The following CD226 variants were observed in gnomAD, a reference collection of about 807,000 sequenced individuals.
CD226 encodes CD226 molecule, also known as CD226 antigen.
A neutral mutation model predicts 34.9 loss-of-function variants in CD226; 24 were observed. The observed-to-expected ratio is 0.69, with a 90% CI of 0.50 to 0.97. The LOEUF (loss-of-function observed/expected upper bound fraction) is 0.97, where lower values mean the gene tolerates loss of function less well. Among genes scored for constraint, CD226 ranks in the 50% least tolerant of loss-of-function variants. CD226 has a pLI of 0.00. For synonymous variants in CD226, 148 were observed against 147.4 expected, an observed-to-expected ratio of 1.00 and a Z score of -0.03; for missense variants, 397 against 412.7, an observed-to-expected ratio of 0.96 and a Z score of 0.33.
chr18:69,868,460 C>G (rs1321956953), intron 4 of CD226, among the ~76,000 whole-genome samples: 2 of 152,124 alleles, frequency 1.3e-5, no homozygotes, highest in Non-Finnish European at 2.9e-5. Flanking sequence ...TGAAATCCTC[C>G]TATCATGTCA....
chr18:69,902,519 C>G (rs181141979), intron 2 of CD226, among the ~76,000 whole-genome samples: 1 of 151,472 alleles, frequency 6.6e-6, no homozygotes, highest in Admixed American at 6.6e-5. Context: ...CCTTTCTGAC[C>G]TCCCTCTGCT....
chr18:69,908,558 C>T (rs2055284270), intron 2 of CD226, among the ~76,000 whole-genome samples: 1 of 152,124 alleles, frequency 6.6e-6, no homozygotes, highest in Non-Finnish European at 1.5e-5. Context: ...TAGAGGCTTC[C>T]CTACATTTTT....
At chr18:69,951,435 T>C (rs1279047233), upstream of CD226, among the ~76,000 whole-genome samples, 1 of 152,140 alleles carries the variant, frequency 6.6e-6, no homozygotes, top group African/African-American at 2.4e-5. Flanking sequence ...TTATCTCCTC[T>C]CATTATGCAT....
intron 2 of CD226, among the ~76,000 whole-genome samples, chr18:69,909,718 G>A (rs1157316134): frequency 2.0e-5 from 3 of 152,174 alleles, no homozygotes. Flanking sequence ...TGAAATTTGG[G>A]AATTAAAGGA....
At chr18:69,949,619 ACACT>A (rs1176051199), upstream of CD226, among the ~76,000 whole-genome samples, 1 of 152,084 alleles carries the variant, frequency 6.6e-6, no homozygotes, top group Non-Finnish European at 1.5e-5. Context: ...ACACACTGAC[ACACT>A]CACGTGCTCA....
rs532501021 is a variant in CD226 at position 69,901,002 on chromosome 18, T to G, written c.383-4957A>C. 6.4e-3 allele frequency among the ~76,000 whole-genome samples: 982 copies of G among 152,294 alleles called. 9 individuals are homozygous for G. Among genetic ancestry groups the G allele is most frequent in the Non-Finnish European group, 0.011 (725 of 68,026 alleles). On this transcript the variant is annotated intron_variant, in intron 2 of 5. Transcript: ENST00000582621. ...CCATTTATGTTTCCACAGTACCACC[T>G]TGGAAGTCATAGCCTTGTCAAAATA...
At chr18:69,877,695 C>G (rs1983961324) in intron 3 of CD226, among the ~76,000 whole-genome samples, 2 of 152,126 alleles carry the variant, frequency 1.3e-5, no homozygotes, top group Non-Finnish European at 2.9e-5. Context: ...TAACAAGGAC[C>G]ATGTGAATTT....
intron 2 of CD226, among the ~76,000 whole-genome samples, chr18:69,942,958 C>T (rs907527424): frequency 2.0e-5 from 3 of 152,172 alleles, no homozygotes; most frequent in East Asian, 1.9e-4. Flanking sequence ...AGGTCCAGCA[C>T]GACTTTTCTC....
intron 3 of CD226, among the ~76,000 whole-genome samples, chr18:69,893,202 A>C (rs188842837): frequency 6.6e-6 from 1 of 152,324 alleles, no homozygotes; most frequent in East Asian, 1.9e-4. Flanking sequence ...ACATTCTTTC[A>C]ATCTGTCAAC....
At chr18:69,887,329 AC>A (rs1268313450) in intron 3 of CD226, among the ~76,000 whole-genome samples, 4 of 152,146 alleles carry the variant, frequency 2.6e-5, no homozygotes, top group Admixed American at 2.0e-4. Flanking sequence ...ACATACACAC[AC>A]ACACACACAC....
upstream of CD226, among the ~76,000 whole-genome samples, chr18:69,958,540 T>C (rs1236434893): frequency 6.6e-6 from 1 of 152,178 alleles, no homozygotes; most frequent in Non-Finnish European, 1.5e-5. Context: ...TCCTCAAAAT[T>C]ATTCAGTGGG....
At chr18:69,950,182 GCATA>G (rs1599035855), upstream of CD226, among the ~76,000 whole-genome samples, 13 of 151,682 alleles carry the variant, frequency 8.6e-5, no homozygotes, top group East Asian at 2.5e-3. Flanking sequence ...ACTCGTACAT[GCATA>G]CACTCACATG....
intron 2 of CD226, among the ~76,000 whole-genome samples, chr18:69,946,180 C>A (rs1454924516): frequency 9.0e-5 from 6 of 66,396 alleles, no homozygotes; most frequent in Admixed American, 2.3e-4. Context: ...AAGACTCCAT[C>A]AAAAAAAAAA....
intron 3 of CD226, among the ~76,000 whole-genome samples, chr18:69,888,493 A>C (rs562527665): frequency 7.1e-6 from 1 of 140,920 alleles, no homozygotes; most frequent in East Asian, 2.1e-4. Flanking sequence ...GTCATAGCTC[A>C]CTGCAGCCAC....
intron 2 of CD226, among the ~76,000 whole-genome samples, chr18:69,912,741 T>C (rs1009576599): frequency 2.0e-5 from 3 of 152,258 alleles, no homozygotes; most frequent in African/African-American, 7.2e-5. Flanking sequence ...GCTTTGCATA[T>C]GCAGTACTAT....
At chr18:69,913,170 T>TTGA (rs1322792208) in intron 2 of CD226, among the ~76,000 whole-genome samples, 2 of 152,198 alleles carry the variant, frequency 1.3e-5, no homozygotes, top group African/African-American at 4.8e-5. Context: ...CACAGCCATC[T>TTGA]TCCCCGTCTC....
intron 2 of CD226, among the ~76,000 whole-genome samples, chr18:69,901,818 G>T (rs1056425366): frequency 6.6e-6 from 1 of 151,682 alleles, no homozygotes; most frequent in Non-Finnish European, 1.5e-5. Context: ...GGCAGAGCTT[G>T]CAGTGAGCCG....
At chr18:69,950,321 CA>C (rs1285356609), upstream of CD226, among the ~76,000 whole-genome samples, 1 of 152,180 alleles carries the variant, frequency 6.6e-6, no homozygotes, top group Non-Finnish European at 1.5e-5. Flanking sequence ...AGTGTACGGC[CA>C]AAGTCTAACA....
intron 2 of CD226, among the ~76,000 whole-genome samples, chr18:69,897,078 A>G (rs1041923259): frequency 1.3e-5 from 2 of 152,138 alleles, no homozygotes; most frequent in African/African-American, 4.8e-5. Flanking sequence ...TCCTAGTGAT[A>G]TTGAGAGGAA....
Sources: gnomAD v4.1 joint callset for allele counts (sites outside exome capture counted in the v4.1 genomes callset) on GRCh38, gnomAD v4.1.1 for gene constraint, MANE v1.5 for transcripts, NCBI Gene and HGNC (gene_info 2026-07-23, HGNC 2026-07-21) for gene names.